LMAN2L: variants seen among roughly 807,000 people sequenced by gnomAD.
LMAN2L encodes the protein lectin, mannose binding 2 like.
A neutral mutation model predicts 44.3 loss-of-function variants in LMAN2L; 30 were observed. That is an observed-to-expected ratio of 0.68 (90% confidence interval 0.51 to 0.92). The LOEUF (loss-of-function observed/expected upper bound fraction) is 0.92, where lower values mean the gene tolerates loss of function less well. Ranked by LOEUF, LMAN2L falls within the 40% of genes least tolerant of loss-of-function variation. The pLI is 0.00. For missense variants in LMAN2L, 429 were observed against 446.1 expected, an observed-to-expected ratio of 0.96 and a Z score of 0.35; for synonymous variants, 183 against 171.1, an observed-to-expected ratio of 1.07 and a Z score of -0.54.
At chr2:96,718,043 C>G (rs1373430617) in intron 4 of LMAN2L, among the ~76,000 whole-genome samples, 1 of 152,050 alleles carries the variant, frequency 6.6e-6, no homozygotes, top group African/African-American at 2.4e-5. Context: ...GCAACCTCCA[C>G]CTCCCGGGTT....
intron 4 of LMAN2L, among the ~76,000 whole-genome samples, chr2:96,721,239 CTTT>C (rs2078147467): frequency 3.3e-5 from 5 of 150,684 alleles, no homozygotes; most frequent in African/African-American, 4.9e-5. Context: ...ATGTGTGGGT[CTTT>C]TGTGACTGGC....
At chr2:96,733,719 G>A (rs2078454958) in intron 3 of LMAN2L, 118 bp from the exon 4 acceptor site, 1 of 781,590 alleles carries the variant, frequency 1.3e-6, no homozygotes, top group Non-Finnish European at 2.1e-6. Flanking sequence ...CCTCTCTCAA[G>A]ATGAGAAAAC....
At chr2:96,738,237 G>C (rs2078557590) in intron 1 of LMAN2L, among the ~76,000 whole-genome samples, 170 bp from the exon 2 acceptor site, 1 of 152,080 alleles carries the variant, frequency 6.6e-6, no homozygotes, top group African/African-American at 2.4e-5. Context: ...CTTTCACAAG[G>C]CCTTTATCAG....
In LMAN2L at chr2:96,739,883, C is replaced by A; in HGVS notation, c.158G>T (p.Arg53Leu). The A allele has an allele frequency of 6.2e-7, 1 of 1,614,006 alleles. No individual in the cohort carries two copies. Among genetic ancestry groups the A allele is most frequent in the East Asian group, 2.2e-5 (1 of 44,888 alleles). ...GTAGGGCTTCGACAGCGAGTGCTCC[C>A]GTTTCAAGTACTCGAACGTTTGACC... is the stretch of plus-strand genomic sequence containing the variant. ...GAGQTFEYLK[R>L]EHSLSKPYQG... is the part of the protein sequence containing the mutation. Residue 53 changes from arginine (R) to leucine (L), a missense_variant, in exon 1 of 8, where the codon CGG becomes CTG. By Grantham distance (102) the Arg-to-Leu change is moderately radical. Coordinates refer to ENST00000264963, the MANE Select transcript of LMAN2L (RefSeq NM_030805.4).
chr2:96,733,675 T>C (rs2078453780), intron 3 of LMAN2L, 74 bp from the exon 4 acceptor site: 1 of 1,245,822 alleles, frequency 8.0e-7, no homozygotes, highest in Admixed American at 1.9e-5. Flanking sequence ...ATCACTATGA[T>C]GGAGGAAAAA....
intron 4 of LMAN2L, among the ~76,000 whole-genome samples, chr2:96,728,151 G>GAT (rs1310772235): frequency 6.6e-6 from 1 of 152,212 alleles, no homozygotes; most frequent in Admixed American, 6.6e-5. Flanking sequence ...TAGAAAGGAA[G>GAT]ATACTTTCCA....
At chr2:96,718,067 T>C (rs1251854634) in intron 4 of LMAN2L, among the ~76,000 whole-genome samples, 1 of 152,060 alleles carries the variant, frequency 6.6e-6, no homozygotes, top group Non-Finnish European at 1.5e-5. Context: ...GCGATTCTCC[T>C]GCCTCAGCCT....
chr2:96,729,784 G>A (rs897837991), intron 4 of LMAN2L, among the ~76,000 whole-genome samples: 41 of 152,252 alleles, frequency 2.7e-4, no homozygotes, highest in African/African-American at 9.4e-4. Flanking sequence ...GGGATTACGG[G>A]TGTGAGCCAC....
intron 4 of LMAN2L, among the ~76,000 whole-genome samples, chr2:96,720,066 A>C (rs1378683270): frequency 6.6e-6 from 1 of 152,154 alleles, no homozygotes; most frequent in Non-Finnish European, 1.5e-5. Context: ...TGTTTTTTTA[A>C]CTGGATGGCA....
intron 4 of LMAN2L, among the ~76,000 whole-genome samples, chr2:96,713,347 G>A (rs1009716016): frequency 7.2e-5 from 11 of 152,140 alleles, no homozygotes; most frequent in African/African-American, 1.9e-4. Context: ...CCATATGCAC[G>A]GGTGCTTGTA....
chr2:96,711,268 T>C (rs1367046604), intron 6 of LMAN2L, among the ~76,000 whole-genome samples: 2 of 151,428 alleles, frequency 1.3e-5, no homozygotes, highest in East Asian at 3.9e-4. Context: ...AAAAGGAGAG[T>C]CTGGGGTCAG....
chr2:96,707,668 C>T (rs2077813744), intron 7 of LMAN2L, 46 bp downstream of exon 7: 1 of 1,610,678 alleles, frequency 6.2e-7, no homozygotes, highest in African/African-American at 1.3e-5. Context: ...GCACTGCAAG[C>T]TCCTCCCCAA....
At chr2:96,721,688 C>T (rs1489250644) in intron 4 of LMAN2L, among the ~76,000 whole-genome samples, 1 of 151,966 alleles carries the variant, frequency 6.6e-6, no homozygotes, top group Non-Finnish European at 1.5e-5. Flanking sequence ...CTATGTTGCC[C>T]AAGCTGATCT....
Position 96,707,078 on chromosome 2 carries a change from G to T in LMAN2L, c.*178C>A. ...GTGGCTTCCCAGACCAGAGTTAGAT[G>T]TCCCCATGCACAACCATGGGAATGC... On this transcript the variant is annotated 3_prime_UTR_variant, in exon 8 of 8. Coordinates refer to ENST00000264963, the MANE Select transcript of LMAN2L (RefSeq NM_030805.4). The T allele has an allele frequency of 1.8e-6, 1 of 556,316 alleles. No homozygotes were observed. The highest frequency in any genetic ancestry group is 3.0e-6 in the Non-Finnish European group (1 of 329,066). 34.5% of individuals were successfully genotyped at this position (556,316 alleles called of 1,614,324 possible).
intron 2 of LMAN2L, among the ~76,000 whole-genome samples, chr2:96,735,887 C>CCAGTAATCA: frequency 6.7e-6 from 1 of 149,352 alleles, no homozygotes; most frequent in African/African-American, 2.5e-5. Context: ...GTAGTTCACG[C>CCAGTAATCA]CAGTAATCAA....
At chr2:96,712,956 T>G in intron 4 of LMAN2L, 1 of 665,312 alleles carries the variant, frequency 1.5e-6, no homozygotes, top group South Asian at 1.8e-5. Context: ...ATTTGTCCCT[T>G]TGTCCCAAAT....
chr2:96,734,555 G>A (rs898944547), intron 2 of LMAN2L, 29 bp from the exon 3 acceptor site: 2 of 1,419,766 alleles, frequency 1.4e-6, no homozygotes, highest in Non-Finnish European at 1.0e-6. Flanking sequence ...TAGAATCAAT[G>A]AGGAGCATGA....
chr2:96,734,503 C>T lies in LMAN2L; in HGVS notation c.330G>A (p.Glu110=). 1.2e-6 allele frequency: 2 copies of T among 1,611,472 alleles called. No individual in the cohort carries two copies. The highest frequency in any genetic ancestry group is 1.7e-6 in the Non-Finnish European group (2 of 1,177,520). Residue 110 remains glutamate, a synonymous_variant, in exon 3 of 8, where the codon GAG becomes GAA. Transcript: ENST00000264963. ...CATGGATTTTGAAGTGCACCTGCAACTCCCAGTCTCTCAGGAAACATGGCT... is the reference window on the plus strand; with the variant it reads ...CATGGATTTTGAAGTGCACCTGCAATTCCCAGTCTCTCAGGAAACATGGCT... ...NRVPCFLRDW[E]LQVHFKIHGQ...
chr2:96,726,168 AATATTTTATAATATTTTTGCAT>A (rs1161643292), intron 4 of LMAN2L, among the ~76,000 whole-genome samples: 3 of 151,544 alleles, frequency 2.0e-5, no homozygotes, highest in African/African-American at 7.3e-5. Context: ...CCTTTTTAAT[AATATTTTATAATATTTTTGCAT>A]ATTTTATAAT....
Sources: allele counts gnomAD v4.1 joint callset (sites outside exome capture counted in the v4.1 genomes callset), GRCh38; gene constraint gnomAD v4.1.1; transcripts MANE v1.5; gene names NCBI Gene and HGNC (gene_info 2026-07-23, HGNC 2026-07-21).